GRIP1: variants seen among roughly 807,000 people sequenced by gnomAD.
GRIP1 encodes glutamate receptor interacting protein 1, also known as glutamate receptor-interacting protein 1.
In GRIP1, 45 loss-of-function variants were observed where a neutral mutation model predicts 129.9. The ratio of observed to expected loss-of-function variants is 0.35; its 90% confidence interval spans 0.27 to 0.44. The LOEUF is 0.44. Ranked by LOEUF, GRIP1 falls within the 20% of genes least tolerant of loss-of-function variation. The pLI, the probability that GRIP1 is intolerant of heterozygous loss-of-function variation, is 1.00. For synonymous variants in GRIP1, 530 were observed against 520.8 expected (o/e 1.02, Z -0.24); for missense variants, 1,196 against 1,396.8 (o/e 0.86, Z 2.29).
At chr12:66,672,991 T>C (rs2034152644) in intron 1 of GRIP1, among the ~76,000 whole-genome samples, 1 of 152,192 alleles carries the variant, frequency 6.6e-6, no homozygotes, top group Admixed American at 6.5e-5. Flanking sequence ...AATTTCTAAG[T>C]CTATTCTATT....
chr12:66,755,162 G>A, intron 1 of GRIP1, among the ~76,000 whole-genome samples: 1 of 152,128 alleles, frequency 6.6e-6, no homozygotes, highest in Middle Eastern at 3.2e-3. Context: ...AGTAGGAATT[G>A]AGAACACATT....
chr12:67,024,465 C>T (rs570239764), intron 1 of GRIP1, among the ~76,000 whole-genome samples: 14 of 152,170 alleles, frequency 9.2e-5, no homozygotes, highest in East Asian at 7.7e-4. Flanking sequence ...GGGGGAAACC[C>T]GGGCCAAGGC....
chr12:67,022,339 T>C (rs965290795), intron 1 of GRIP1, among the ~76,000 whole-genome samples: 10 of 152,230 alleles, frequency 6.6e-5, no homozygotes, highest in African/African-American at 2.2e-4. Context: ...CATTCACCTA[T>C]TGCTAGACAT....
chr12:66,551,670 C>T (rs2062141657), intron 2 of GRIP1, among the ~76,000 whole-genome samples: 1 of 146,790 alleles, frequency 6.8e-6, no homozygotes, highest in Admixed American at 7.0e-5. Context: ...ACTTATTGGG[C>T]TCAAGGGATC....
chr12:66,688,770 TG>T (rs2034872647), intron 1 of GRIP1, among the ~76,000 whole-genome samples: 1 of 144,716 alleles, frequency 6.9e-6, no homozygotes, highest in Non-Finnish European at 1.5e-5. Context: ...TCACTGACTC[TG>T]AAAAAAAAAA....
At chr12:66,867,499 C>T (rs144765568) in intron 1 of GRIP1, among the ~76,000 whole-genome samples, 44 of 152,168 alleles carry the variant, frequency 2.9e-4, no homozygotes, top group African/African-American at 9.6e-4. Flanking sequence ...AAGGGTCCTA[C>T]GAAAGATTTC....
intron 7 of GRIP1, among the ~76,000 whole-genome samples, chr12:66,512,186 G>A (rs1262367779): frequency 1.3e-5 from 2 of 152,092 alleles, no homozygotes; most frequent in Non-Finnish European, 2.9e-5. Context: ...GTTCTTTAGA[G>A]CAGTGTGAAA....
At chr12:66,367,810 A>C (rs1401398171) in intron 23 of GRIP1, among the ~76,000 whole-genome samples, 2 of 152,218 alleles carry the variant, frequency 1.3e-5, no homozygotes, top group Non-Finnish European at 2.9e-5. Context: ...AAGGGACATG[A>C]AGATCACTTC....
intron 1 of GRIP1, among the ~76,000 whole-genome samples, chr12:66,994,454 A>C (rs1050786617): frequency 2.7e-5 from 4 of 150,940 alleles, no homozygotes; most frequent in African/African-American, 7.3e-5. Context: ...AAAAAAAAAA[A>C]CACTCAATAA....
At chr12:66,607,808 T>C (rs902112727) in intron 1 of GRIP1, among the ~76,000 whole-genome samples, 9 of 152,298 alleles carry the variant, frequency 5.9e-5, no homozygotes, top group African/African-American at 2.2e-4. Context: ...TGAGGAACTT[T>C]TGAAACCAAG....
chr12:66,475,295 T>G (rs979614706), intron 7 of GRIP1, among the ~76,000 whole-genome samples: 1 of 152,206 alleles, frequency 6.6e-6, no homozygotes, highest in African/African-American at 2.4e-5. Context: ...TAAATATATA[T>G]GCACCCAATA....
chr12:66,437,384 G>A (rs541524721), intron 13 of GRIP1, among the ~76,000 whole-genome samples: 135 of 152,142 alleles, frequency 8.9e-4, no homozygotes, highest in Admixed American at 2.7e-3. Context: ...GGAGAATATC[G>A]GTGTCAACTA....
chr12:66,635,825 C>T (rs1384313019), intron 1 of GRIP1, among the ~76,000 whole-genome samples: 1 of 152,086 alleles, frequency 6.6e-6, no homozygotes, highest in Non-Finnish European at 1.5e-5. Context: ...TCACTAATGG[C>T]CAGTAACGAC....
At chr12:66,923,581 T>G (rs980051547) in intron 1 of GRIP1, among the ~76,000 whole-genome samples, 1 of 152,024 alleles carries the variant, frequency 6.6e-6, no homozygotes, top group Non-Finnish European at 1.5e-5. Context: ...AAAAATAAAG[T>G]AGAAATCATC....
At chr12:66,937,720 T>G (rs1258976377) in intron 1 of GRIP1, among the ~76,000 whole-genome samples, 2 of 152,162 alleles carry the variant, frequency 1.3e-5, no homozygotes, top group Non-Finnish European at 2.9e-5. Context: ...GATAAGACAT[T>G]GAGAGATCAC....
chr12:66,811,810 T>C (rs1487112851), intron 1 of GRIP1, among the ~76,000 whole-genome samples: 1 of 152,232 alleles, frequency 6.6e-6, no homozygotes, highest in Non-Finnish European at 1.5e-5. Context: ...AGAATTTTAT[T>C]TATTCATTTG....
At chr12:66,914,387 A>G (rs575163623) in intron 1 of GRIP1, among the ~76,000 whole-genome samples, 7 of 152,316 alleles carry the variant, frequency 4.6e-5, no homozygotes, top group African/African-American at 1.4e-4. Context: ...CATGTAATGG[A>G]TATGAATTGT....
At chr12:67,018,082 C>T (rs1161377937) in intron 1 of GRIP1, among the ~76,000 whole-genome samples, 2 of 152,104 alleles carry the variant, frequency 1.3e-5, no homozygotes, top group Non-Finnish European at 2.9e-5. Flanking sequence ...TGTCCTCTGT[C>T]GTCCTGGTCT....
chr12:66,445,463 T>C lies in GRIP1; in HGVS notation c.1400A>G (p.His467Arg). Residue 467 changes from histidine to arginine, a missense_variant, in exon 12 of 25, where the codon CAC (histidine) becomes CGC (arginine). His to Arg is a conservative substitution (Grantham distance 29). This residue lies in a region of GRIP1 where 508 missense variants were observed against 587.0 expected (regional missense o/e 0.87). Coordinates refer to ENST00000359742, the MANE Select transcript of GRIP1 (RefSeq NM_001366722.1). ...CAGCACAACCTCTGTGGTTTCTGTG[T>C]GAACAACCTGCCCAGCCAATCCTAC... is the stretch of plus-strand genomic sequence containing the variant. ...STVGLAGQVVHTETTEVVLTA... is the reference protein window; with the variant it reads ...STVGLAGQVVRTETTEVVLTA... 6.2e-7 allele frequency: 1 copy of C among 1,614,108 alleles called. No individual in the cohort carries two copies. Among genetic ancestry groups the C allele is most frequent in the Non-Finnish European group, 8.5e-7 (1 of 1,180,002 alleles).
Sources: gnomAD v4.1 joint callset for allele counts (sites outside exome capture counted in the v4.1 genomes callset) on GRCh38, gnomAD v4.1.1 for gene constraint, gnomAD v4.1.1 regional missense constraint, MANE v1.5 for transcripts, NCBI Gene and HGNC (gene_info 2026-07-23, HGNC 2026-07-21) for gene names.